SULT1A1: variants seen among roughly 807,000 people sequenced by gnomAD.
SULT1A1 encodes sulfotransferase 1A1.
In SULT1A1, 35 loss-of-function variants were observed where a neutral mutation model predicts 36.8. The ratio of observed to expected loss-of-function variants is 0.95; its 90% CI spans 0.73 to 1.26. SULT1A1 has a LOEUF of 1.26. SULT1A1 is among the 50% of genes most tolerant of loss of function. The pLI, the probability that SULT1A1 is intolerant of heterozygous loss-of-function variation, is 0.00. For synonymous variants in SULT1A1, 119 were observed against 146.0 expected (o/e 0.82, Z 1.33); for missense variants, 309 against 383.0 (o/e 0.81, Z 1.61).
At chr16:28,607,184 T>A (rs2047236816) in intron 4 of SULT1A1, 107 bp from the exon 5 acceptor site, 17 of 1,555,780 alleles carry the variant, frequency 1.1e-5, no homozygotes, top group Admixed American at 1.9e-5. Context: ...AGAGGCTGAC[T>A]TGTTTGAGAT....
intron 1 of SULT1A1, among the ~76,000 whole-genome samples, chr16:28,622,138 T>G (rs567467051): frequency 1.3e-5 from 2 of 152,276 alleles, no homozygotes; most frequent in South Asian, 2.1e-4. Context: ...CTACTCTACA[T>G]GCAATCATGC....
intron 1 of SULT1A1, among the ~76,000 whole-genome samples, chr16:28,620,428 T>C (rs2047628273): frequency 6.6e-6 from 1 of 151,366 alleles, no homozygotes; most frequent in African/African-American, 2.4e-5. Flanking sequence ...TAGCCAGGTG[T>C]GGTGGTGTGT....
Position 28,609,913 on chromosome 16 carries a change from TTC to T in SULT1A1, c.-5+16_-5+17del, listed in dbSNP as rs1253970770. ...AGCAGGGTGAGGGCGCCCTGGGCCGTTCCACTGTGTCACTCACCTGAGCTCTT... is the reference window on the plus strand; with the variant it reads ...AGCAGGGTGAGGGCGCCCTGGGCCGTCACTGTGTCACTCACCTGAGCTCTT... On this transcript the variant is annotated intron_variant, in intron 1 of 7. Coordinates refer to ENST00000314752, the MANE Select transcript of SULT1A1 (RefSeq NM_001055.4). The T allele has an allele frequency of 7.8e-7, 1 of 1,282,420 alleles. No homozygotes were observed. The highest frequency in any genetic ancestry group is 1.5e-5 in the African/African-American group (1 of 65,762). The allele number at this position is 1,282,420 out of a possible 1,614,324, so 79.4% of individuals were successfully genotyped here.
rs183647289 is a variant in SULT1A1 at position 28,607,304 on chromosome 16, C to T, written c.373-227G>A. The T allele has an allele frequency of 2.9e-4, 217 of 742,510 alleles. No homozygotes were observed. The African/African-American group carries it at 2.9e-3, about 10-fold the overall frequency. 46.0% of individuals were successfully genotyped at this position (742,510 alleles called of 1,614,324 possible). A position where few individuals can be genotyped will look rare whatever the true frequency, so the allele number is the denominator to read the frequency against. ...TATAGTAATATAATCTGCATCAATG[C>T]GTCACACCCCAATCTGGAGCAAGGC... is the stretch of plus-strand genomic sequence containing the variant. On this transcript the variant is annotated intron_variant, in intron 4 of 7. Coordinates refer to ENST00000314752, the MANE Select transcript of SULT1A1 (RefSeq NM_001055.4).
rs1331004005 is a variant in SULT1A1 at position 28,606,458 on chromosome 16, G to C, written c.595-222C>G. Among the ~76,000 whole-genome samples the C allele has an allele frequency of 2.6e-5, 4 of 151,850 alleles. 1 individual carries two copies. The highest frequency in any genetic ancestry group is 5.9e-5 in the Non-Finnish European group (4 of 67,856). On this transcript the variant is annotated intron_variant, in intron 6 of 7. Transcript: ENST00000314752. ...GGCTTGGCTCCTATGGGTGAGGACC[G>C]TGATGGTCTTCTTCTGTGACTGTGG...
intron 2 of SULT1A1, among the ~76,000 whole-genome samples, chr16:28,618,576 C>T (rs2047591781): frequency 6.6e-6 from 1 of 151,950 alleles, no homozygotes. Context: ...GATCTCCCGA[C>T]CTTGTGATCC....
At chr16:28,620,563 C>CAAAAAA (rs5816469) in intron 1 of SULT1A1, among the ~76,000 whole-genome samples, 10 of 90,814 alleles carry the variant, frequency 1.1e-4, no homozygotes, top group Non-Finnish European at 1.8e-4. Flanking sequence ...GACCCTGTCT[C>CAAAAAA]AAAAAAAAAA....
intron 2 of SULT1A1, among the ~76,000 whole-genome samples, chr16:28,619,092 T>C (rs1252624930): frequency 6.6e-6 from 1 of 152,180 alleles, no homozygotes; most frequent in African/African-American, 2.4e-5. Context: ...CTTGGCTCAC[T>C]GCAACCTGTC....
chr16:28,621,475 T>A (rs1395814473), intron 1 of SULT1A1, among the ~76,000 whole-genome samples: 1 of 45,048 alleles, frequency 2.2e-5, no homozygotes, highest in Admixed American at 3.1e-4. Context: ...AAAACAAGAC[T>A]CTGTCTCAAA....
At chr16:28,616,462 A>G (rs1406654158) in intron 2 of SULT1A1, among the ~76,000 whole-genome samples, 1 of 151,662 alleles carries the variant, frequency 6.6e-6, no homozygotes, top group African/African-American at 2.4e-5. Context: ...AATTTTTTGT[A>G]TTTTTAGTAG....
upstream of SULT1A1, chr16:28,610,175 AGCCAC>A: frequency 7.8e-7 from 1 of 1,285,372 alleles, no homozygotes; most frequent in Non-Finnish European, 1.0e-6. Flanking sequence ...TGATCTCCAA[AGCCAC>A]GACTGAGTTT....
chr16:28,616,920 C>T (rs1385915379), intron 2 of SULT1A1, among the ~76,000 whole-genome samples: 2 of 152,164 alleles, frequency 1.3e-5, no homozygotes, highest in Non-Finnish European at 2.9e-5. Flanking sequence ...TCTGGGCATA[C>T]CGTGGTGCTT....
At chr16:28,623,355 G>A (rs1431638526) in exon 1 of SULT1A1, 3 of 1,491,272 alleles carry the variant, frequency 2.0e-6, no homozygotes, top group Non-Finnish European at 2.7e-6. Flanking sequence ...GTCCCCGGCG[G>A]AGACGAGCGA....
intron 2 of SULT1A1, 36 bp downstream of exon 2, chr16:28,608,672 C>T: frequency 6.2e-7 from 1 of 1,611,418 alleles, no homozygotes; most frequent in Non-Finnish European, 8.5e-7. Flanking sequence ...GTGGGGACTG[C>T]CACCTGGGAG....
intron 1 of SULT1A1, chr16:28,609,342 C>T: frequency 7.8e-7 from 1 of 1,290,028 alleles, no homozygotes; most frequent in African/African-American, 1.5e-5. Context: ...CCCAGGCCAG[C>T]CAGGCCTGTG....
rs551715531 is a variant in SULT1A1 at position 28,621,397 on chromosome 16, G to T, written c.68-1264C>A. 3.6e-3 allele frequency among the ~76,000 whole-genome samples: 508 copies of T among 140,690 alleles called. 1 individual carries two copies. Among genetic ancestry groups the T allele is most frequent in the Non-Finnish European group, 6.5e-3 (432 of 66,398 alleles). The allele number at this position is 140,690 out of a possible 152,430, so 92.3% of individuals were successfully genotyped here. On this transcript the variant is annotated intron_variant, in intron 1 of 5. Coordinates refer to the SULT1A1 transcript ENST00000350842. ...CTTGGTAGGCTGAGGCAGGAGGATCGCTTGAACCTGAAGATGGAGGTTTCA... is the reference window on the plus strand; with the variant it reads ...CTTGGTAGGCTGAGGCAGGAGGATCTCTTGAACCTGAAGATGGAGGTTTCA...
chr16:28,620,441 G>A (rs1396846871), intron 1 of SULT1A1, among the ~76,000 whole-genome samples: 1 of 151,692 alleles, frequency 6.6e-6, no homozygotes, highest in Admixed American at 6.6e-5. Flanking sequence ...TGGTGTGTCT[G>A]TAGTCATAGT....
Position 28,607,032 on chromosome 16 carries a change from A to C in SULT1A1, c.418T>G (p.Tyr140Asp). The change falls in exon 5 of 8, where the codon TAC becomes GAC. Residue 140 changes from tyrosine to aspartate, a missense_variant. This residue lies in a region of SULT1A1 where 219 missense variants were observed against 215.3 expected (regional missense o/e 1.02). Coordinates refer to ENST00000314752, the MANE Select transcript of SULT1A1 (RefSeq NM_001055.4). Reference sequence around the variant, plus strand: ...ACCTTGGCCATGTGGTAGAAGTGGTAGTAGGAAACTGCCACATCCTTTGCG... The same window carrying C: ...ACCTTGGCCATGTGGTAGAAGTGGTCGTAGGAAACTGCCACATCCTTTGCG... ...RNAKDVAVSY[Y>D]HFYHMAKVHP... The C allele has an allele frequency of 6.2e-7, 1 of 1,612,554 alleles. No homozygotes were observed. The highest frequency in any genetic ancestry group is 8.5e-7 in the Non-Finnish European group (1 of 1,178,736).
intron 5 of SULT1A1, 34 bp from the exon 6 acceptor site, chr16:28,606,889 T>C (rs757994677): frequency 6.2e-7 from 1 of 1,612,330 alleles, no homozygotes; most frequent in Admixed American, 1.7e-5. Context: ...CAACACAGGG[T>C]TGCTGTGCGT....
Sources: allele counts gnomAD v4.1 joint callset (sites outside exome capture counted in the v4.1 genomes callset), GRCh38; gene constraint gnomAD v4.1.1; regional missense constraint gnomAD v4.1.1; transcripts MANE v1.5; gene names NCBI Gene and HGNC (gene_info 2026-07-23, HGNC 2026-07-21).